Variants in AGMO observed in about 807,000 individuals in gnomAD.
AGMO encodes the protein glyceryl-ether monooxygenase.
A neutral mutation model predicts 60.2 loss-of-function variants in AGMO; 75 were observed. The observed-to-expected ratio is 1.25, with a 90% CI of 1.03 to 1.51. The LOEUF is 1.51. AGMO is among the 40% of genes most tolerant of loss of function. The probability of loss-of-function intolerance (pLI) is 0.00; values close to 1 mark genes in which losing one functional copy is unlikely to be tolerated. For synonymous variants in AGMO, 261 were observed against 177.1 expected (o/e 1.47, Z -3.76); for missense variants, 763 against 525.5 (o/e 1.45, Z -4.42).
At position 15,418,635 on chromosome 7, in the gene AGMO, C is replaced by T. The variant is rs766809607; in HGVS notation, c.532G>A (p.Ala178Thr). The change falls in exon 5 of 13, where the codon GCC becomes ACC. Residue 178 changes from alanine to threonine, a missense_variant. Coordinates refer to ENST00000342526, the MANE Select transcript of AGMO (RefSeq NM_001004320.2). ...YTSWIFYSPLALFIPPSVYAV... is the reference protein window; with the variant it reads ...YTSWIFYSPLTLFIPPSVYAV... ...TATACTGAAGGGGGTATGAAGAGGGCCAGGGGAGAGTAGAAAATCTGAAAG... is the reference window on the plus strand; with the variant it reads ...TATACTGAAGGGGGTATGAAGAGGGTCAGGGGAGAGTAGAAAATCTGAAAG... The T allele has an allele frequency of 1.3e-6, 2 of 1,556,506 alleles. No homozygotes were observed. Among genetic ancestry groups the T allele is most frequent in the Admixed American group, 2.2e-5 (1 of 46,216 alleles).
intron 3 of AGMO, among the ~76,000 whole-genome samples, chr7:15,530,931 G>A (rs1204960327): frequency 6.2e-5 from 7 of 113,348 alleles, no homozygotes; most frequent in African/African-American, 2.3e-4. Context: ...TTTTGAGATG[G>A]AGTTTCGCTC....
chr7:15,227,109 T>C (rs548365713), intron 12 of AGMO, among the ~76,000 whole-genome samples: 25 of 152,200 alleles, frequency 1.6e-4, no homozygotes, highest in African/African-American at 4.6e-4. Flanking sequence ...TCTTGCTTAA[T>C]TGAATTAAAT....
At chr7:15,427,422 G>T (rs1308629683) in intron 4 of AGMO, among the ~76,000 whole-genome samples, 5 of 152,066 alleles carry the variant, frequency 3.3e-5, no homozygotes, top group Non-Finnish European at 5.9e-5. Context: ...AAACCCACAG[G>T]TACATTAGTA....
At chr7:15,271,662 TTCACTTGCCTGATTGCTA>T (rs1188756446) in intron 12 of AGMO, among the ~76,000 whole-genome samples, 3 of 152,188 alleles carry the variant, frequency 2.0e-5, no homozygotes, top group Non-Finnish European at 4.4e-5. Context: ...TTTTATTTCT[TTCACTTGCCTGATTGCTA>T]TAGCTAAGAC....
intron 12 of AGMO, among the ~76,000 whole-genome samples, chr7:15,220,383 G>A (rs954312728): frequency 2.0e-4 from 30 of 149,202 alleles, no homozygotes; most frequent in African/African-American, 7.1e-4. Flanking sequence ...ATCATTCCTG[G>A]CTAATTTTTT....
chr7:15,449,936 T>C (rs1426177328), intron 3 of AGMO, among the ~76,000 whole-genome samples: 1 of 152,176 alleles, frequency 6.6e-6, no homozygotes, highest in African/African-American at 2.4e-5. Context: ...TTAAATCACA[T>C]TTTAAGAGCA....
intron 3 of AGMO, among the ~76,000 whole-genome samples, chr7:15,468,434 A>T (rs1427086611): frequency 6.6e-6 from 1 of 152,166 alleles, no homozygotes; most frequent in Non-Finnish European, 1.5e-5. Context: ...AAGAAAATGC[A>T]TAGTCATATC....
intron 3 of AGMO, among the ~76,000 whole-genome samples, chr7:15,498,389 G>C (rs1783292249): frequency 6.6e-6 from 1 of 151,912 alleles, no homozygotes; most frequent in Non-Finnish European, 1.5e-5. Context: ...CCTTTTATTG[G>C]AGATATTACT....
At chr7:15,310,202 T>A (rs542535630) in intron 12 of AGMO, among the ~76,000 whole-genome samples, 12 of 152,168 alleles carry the variant, frequency 7.9e-5, no homozygotes, top group Non-Finnish European at 1.8e-4. Flanking sequence ...GATTCAGTAA[T>A]GTTATTTAAA....
intron 12 of AGMO, among the ~76,000 whole-genome samples, chr7:15,342,971 CTT>C (rs371265345): frequency 9.7e-4 from 147 of 152,060 alleles, no homozygotes; most frequent in African/African-American, 3.3e-3. Context: ...GGAGCAGACT[CTT>C]GATAGTAGGT....
At chr7:15,543,001 A>G (rs559622307) in intron 3 of AGMO, among the ~76,000 whole-genome samples, 18 of 151,934 alleles carry the variant, frequency 1.2e-4, no homozygotes, top group Non-Finnish European at 2.6e-4. Context: ...AATCCATGCT[A>G]CTCCTATTTC....
intron 12 of AGMO, among the ~76,000 whole-genome samples, chr7:15,339,474 A>G (rs773307584): frequency 2.6e-5 from 4 of 152,210 alleles, no homozygotes; most frequent in Non-Finnish European, 5.9e-5. Flanking sequence ...AAATCCAAAC[A>G]TAATTTTAGA....
At chr7:15,406,308 CAT>C (rs913711414) in intron 5 of AGMO, among the ~76,000 whole-genome samples, 3 of 139,816 alleles carry the variant, frequency 2.1e-5, no homozygotes, top group Non-Finnish European at 3.1e-5. Context: ...ATGGAATATA[CAT>C]ATATATGTGT....
intron 2 of AGMO, among the ~76,000 whole-genome samples, chr7:15,548,912 G>C (rs990805047): frequency 2.7e-5 from 4 of 147,182 alleles, no homozygotes; most frequent in Non-Finnish European, 5.9e-5. Flanking sequence ...AGGGCAGCCA[G>C]AGAGAAAGGT....
At chr7:15,361,546 A>AAAAAGAAAAAAAAAAAAAAAAG (rs1554261760) in intron 12 of AGMO, among the ~76,000 whole-genome samples, 4 of 91,408 alleles carry the variant, frequency 4.4e-5, no homozygotes, top group Non-Finnish European at 8.6e-5. Context: ...TCTCAAAAAA[A>AAAAAGAAAAAAAAAAAAAAAAG]AAAAAAAAGG....
intron 4 of AGMO, among the ~76,000 whole-genome samples, chr7:15,422,697 C>T (rs1040832696): frequency 1.3e-5 from 2 of 152,098 alleles, no homozygotes; most frequent in African/African-American, 4.8e-5. Context: ...GTCTCATGTC[C>T]ATGGCTTGGT....
At chr7:15,378,487 G>C (rs1193271968) in intron 10 of AGMO, among the ~76,000 whole-genome samples, 1 of 151,948 alleles carries the variant, frequency 6.6e-6, no homozygotes, top group African/African-American at 2.4e-5. Flanking sequence ...AAATCAACAA[G>C]GATTCCTAAC....
At chr7:15,168,298 C>G in the AGMO span, among the ~76,000 whole-genome samples, 1 of 151,936 alleles carries the variant, frequency 6.6e-6, no homozygotes, top group Non-Finnish European at 1.5e-5. Context: ...GCTAGTGCAA[C>G]AGAAGTAAAG....
chr7:15,153,408 C>T, the AGMO span, among the ~76,000 whole-genome samples: 1 of 152,018 alleles, frequency 6.6e-6, no homozygotes, highest in Non-Finnish European at 1.5e-5. Flanking sequence ...AATCATGAAG[C>T]CTTTGCTTAA....
Sources: allele counts gnomAD v4.1 joint callset (sites outside exome capture counted in the v4.1 genomes callset), GRCh38; gene constraint gnomAD v4.1.1; transcripts MANE v1.5; gene names NCBI Gene and HGNC (gene_info 2026-07-23, HGNC 2026-07-21).